Variants in SMPD4 observed in about 807,000 individuals in gnomAD.
The protein encoded by SMPD4 is neutral sphingomyelinase 3.
SMPD4 carries 58 observed loss-of-function variants against 97.8 expected under a neutral mutation model. The observed-to-expected ratio is 0.59, with a 90% confidence interval of 0.48 to 0.74. SMPD4 has a LOEUF of 0.74. Ranked by LOEUF, SMPD4 falls within the 30% of genes least tolerant of loss-of-function variation. The probability of loss-of-function intolerance (pLI) is 0.00; values close to 1 mark genes in which losing one functional copy is unlikely to be tolerated. For synonymous variants in SMPD4, 388 were observed against 450.0 expected (o/e 0.86, Z 1.74); for missense variants, 853 against 1,080.5 (o/e 0.79, Z 2.95).
intron 11 of SMPD4, among the ~76,000 whole-genome samples, chr2:130,158,918 C>T (rs942224261): frequency 3.3e-5 from 5 of 152,196 alleles, no homozygotes; most frequent in Admixed American, 6.5e-5. Context: ...CAAGTCTCCC[C>T]GTCAGGAAAC....
At chr2:130,172,312 T>C in intron 8 of SMPD4, 37 bp downstream of exon 8, 2 of 1,519,332 alleles carry the variant, frequency 1.3e-6, no homozygotes, top group Non-Finnish European at 1.8e-6. Context: ...GCCACTCCCT[T>C]ATGGAAGGGC....
In SMPD4 at chr2:130,153,858, C is replaced by G; in HGVS notation, c.1737G>C (p.Pro579=). Residue 579 remains proline (P), a synonymous_variant, in exon 17 of 20, where the codon CCG becomes CCC. Coordinates refer to ENST00000680298, the MANE Select transcript of SMPD4 (RefSeq NM_017951.5). ...KSISDQCAES[P]AGHSFLSWLG... ...GCCATGAGAGGAAGGAGTGGCCAGC[C>G]GGGCTCTCCGCACACTGGTCGGAGA... 2 of 1,613,900 alleles carry G rather than the reference C, an allele frequency of 1.2e-6. No individual in the cohort carries two copies. The highest frequency in any genetic ancestry group is 1.7e-6 in the Non-Finnish European group (2 of 1,179,868).
rs752243342 is a variant in SMPD4 at position 130,152,746 on chromosome 2, G to A, written c.2293C>T (p.Arg765Cys). The A allele has an allele frequency of 6.5e-5, 103 of 1,595,024 alleles. No individual in the cohort carries two copies. Among genetic ancestry groups the A allele is most frequent in the Non-Finnish European group, 6.8e-5 (80 of 1,172,234 alleles). The stretch of plus-strand genomic sequence containing the variant: ...AAGCGCAGGCTGAGCCTGGGGCCGC[G>A]GGTGTGGCCGGCCACCTGCCTCCGC... ...VGRRQVAGHT[R>C]GPRLSLRFLG... is the part of the protein sequence containing the mutation. Residue 765 changes from arginine to cysteine, a missense_variant, in exon 20 of 20, where the codon CGC (arginine) becomes TGC (cysteine). Arg to Cys is a radical substitution (Grantham distance 180). Coordinates refer to ENST00000680298, the MANE Select transcript of SMPD4 (RefSeq NM_017951.5).
chr2:130,172,942 T>A, intron 5 of SMPD4, 47 bp from the exon 6 acceptor site: 1 of 1,571,964 alleles, frequency 6.4e-7, no homozygotes, highest in Non-Finnish European at 8.6e-7. Context: ...TGGTGCGTAG[T>A]GCCCGATACG....
chr2:130,161,205 T>G lies in SMPD4; in HGVS notation c.932A>C (p.Gln311Pro). The G allele has an allele frequency of 6.2e-7, 1 of 1,613,502 alleles. No individual in the cohort carries two copies. The highest frequency in any genetic ancestry group is 8.5e-7 in the Non-Finnish European group (1 of 1,179,852). ...ALYSPAQPSL[Q>P]ALHAYQESFT... ...CAGTACTTGGTAGGCGTGGAGGGCCTGGAGGCTGGGTTGGGCGGGGCTGTA... is the reference window on the plus strand; with the variant it reads ...CAGTACTTGGTAGGCGTGGAGGGCCGGGAGGCTGGGTTGGGCGGGGCTGTA... Residue 311 changes from glutamine to proline, a missense_variant, in exon 11 of 20, where the codon CAG (glutamine) becomes CCG (proline). Around this residue, in one of 3 missense-constraint regions of SMPD4, gnomAD observed 313 missense variants for 402.2 expected, o/e 0.78. Coordinates refer to ENST00000680298, the MANE Select transcript of SMPD4 (RefSeq NM_017951.5).
At chr2:130,162,239 C>G (rs1263560259) in intron 10 of SMPD4, among the ~76,000 whole-genome samples, 1 of 152,252 alleles carries the variant, frequency 6.6e-6, no homozygotes, top group Non-Finnish European at 1.5e-5. Flanking sequence ...CCAGGACCCT[C>G]CGACCTGCTG....
At chr2:130,169,565 T>G (rs76084997) in intron 8 of SMPD4, among the ~76,000 whole-genome samples, 1 of 140,974 alleles carries the variant, frequency 7.1e-6, no homozygotes, top group African/African-American at 2.7e-5. Context: ...TGAAAGTTTC[T>G]TTTTTTTTTT....
Position 130,155,932 on chromosome 2 carries a change from C to T in SMPD4, c.1289+103G>A. On this transcript the variant is annotated intron_variant, in intron 14 of 19. Transcript: ENST00000680298. ...CTTCAGGAGGCCACGGGGGCCAGGG[C>T]CAGGCTGACCCCAGCACAGGCCGCT... The T allele has an allele frequency of 3.3e-6, 4 of 1,215,732 alleles. No homozygotes were observed. The South Asian group carries it at 5.4e-5, about 16-fold the overall frequency. 75.3% of individuals were successfully genotyped at this position (1,215,732 alleles called of 1,614,324 possible). A position where few individuals can be genotyped will look rare whatever the true frequency, so the allele number is the denominator to read the frequency against.
Position 130,156,055 on chromosome 2 carries a change from G to T in SMPD4, c.1269C>A (p.Pro423=). The T allele has an allele frequency of 6.2e-7, 1 of 1,611,480 alleles. No homozygotes were observed. The highest frequency in any genetic ancestry group is 8.5e-7 in the Non-Finnish European group (1 of 1,179,856). ...CTCACCATTTCTCCGACACACACCG[G>T]GGCTGGGAGTCGCTGCCCGGAGCCT... ...DKQAPGSDSQ[P]RCVSEKWAPF... Residue 423 remains proline, a synonymous_variant, in exon 14 of 20, where the codon CCC becomes CCA. Coordinates refer to ENST00000680298, the MANE Select transcript of SMPD4 (RefSeq NM_017951.5).
chr2:130,155,118 G>A lies in SMPD4; in HGVS notation c.1431C>T (p.Asn477=), dbSNP rs771876024. ...TACCTTTCTGAATCATCTCAGCCAG[G>A]TTGGGCTGGGCAAAGACTTTGGCCA... The part of the protein sequence containing the change: ...FRVAKVFAQP[N]LAEMIQKGEQ... Residue 477 remains asparagine (N), a synonymous_variant, in exon 15 of 20, where the codon AAC becomes AAT. Transcript: ENST00000680298. The A allele has an allele frequency of 5.6e-6, 9 of 1,614,078 alleles. No individual in the cohort carries two copies. The African/African-American group carries it at 6.7e-5, about 12-fold the overall frequency.
rs752750090 is a variant in SMPD4 at position 130,154,285 on chromosome 2, G to A, written c.1651C>T (p.Arg551Cys). ...KYTPMFGPEA[R>C]TLVLRLAQLI... ...ACCGCCGAACCACTCACCAGGGTGCGGGCCTCGGGCCCAAACATCGGGGTG... is the reference window on the plus strand; with the variant it reads ...ACCGCCGAACCACTCACCAGGGTGCAGGCCTCGGGCCCAAACATCGGGGTG... The change falls in exon 16 of 20, where the codon CGC (arginine) becomes TGC (cysteine). Residue 551 changes from arginine (R) to cysteine (C), a missense_variant. Around this residue, in one of 3 missense-constraint regions of SMPD4, gnomAD observed 511 missense variants for 608.1 expected, o/e 0.84. Transcript: ENST00000680298. 30 of 1,601,786 alleles carry A rather than the reference G, an allele frequency of 1.9e-5. 1 individual carries two copies. Among genetic ancestry groups the A allele is most frequent in the Middle Eastern group, 4.4e-4 (2 of 4,536 alleles).
At chr2:130,170,334 A>G (rs1267280635) in intron 8 of SMPD4, among the ~76,000 whole-genome samples, 1 of 151,784 alleles carries the variant, frequency 6.6e-6, no homozygotes, top group Non-Finnish European at 1.5e-5. Flanking sequence ...TAAAGATACA[A>G]AAATTAGCTG....
intron 8 of SMPD4, among the ~76,000 whole-genome samples, chr2:130,168,799 G>A (rs1458267903): frequency 2.0e-5 from 3 of 149,318 alleles, no homozygotes; most frequent in Non-Finnish European, 4.4e-5. Flanking sequence ...TTGGCTCACT[G>A]CTACCTCCGC....
chr2:130,166,186 G>A (rs1687906865), intron 9 of SMPD4, among the ~76,000 whole-genome samples: 1 of 151,750 alleles, frequency 6.6e-6, no homozygotes, highest in Middle Eastern at 3.4e-3. Flanking sequence ...GTGGGCACCT[G>A]TAATCCTAGC....
chr2:130,156,204 T>C, intron 13 of SMPD4, 69 bp from the exon 14 acceptor site: 9 of 1,390,848 alleles, frequency 6.5e-6, no homozygotes, highest in Non-Finnish European at 9.0e-6. Context: ...GGAGCCCAGA[T>C]ACCAGGCGGC....
At position 130,153,032 on chromosome 2, in the gene SMPD4, T is replaced by A. The variant is rs1686388005; in HGVS notation, c.2154+11A>T. 1 of 1,608,288 alleles carries A rather than the reference T, an allele frequency of 6.2e-7. No homozygotes were observed. Among genetic ancestry groups the A allele is most frequent in the South Asian group, 1.1e-5 (1 of 90,824 alleles). On this transcript the variant is annotated intron_variant, in intron 19 of 19. Coordinates refer to ENST00000680298, the MANE Select transcript of SMPD4 (RefSeq NM_017951.5). ...TCTGAAGACGCCAGGCCAGCCCTCC[T>A]GCCCACTCACTCTGTGGTTGATGGC...
At chr2:130,173,981 A>AC (rs397985887) in intron 3 of SMPD4, among the ~76,000 whole-genome samples, 1 of 151,666 alleles carries the variant, frequency 6.6e-6, no homozygotes, top group East Asian at 1.9e-4. Flanking sequence ...TTAAAAAAAA[A>AC]CAAACAATGA....
At chr2:130,155,721 T>C (rs1297710296) in intron 14 of SMPD4, among the ~76,000 whole-genome samples, 1 of 151,984 alleles carries the variant, frequency 6.6e-6, no homozygotes, top group Non-Finnish European at 1.5e-5. Flanking sequence ...CGCTGCTCTG[T>C]TCTGTGCTGA....
chr2:130,156,033 A>G lies in SMPD4; in HGVS notation c.1289+2T>C. ...ATGTCTGTGAGAGGAGCTGAGGCTC[A>G]CCATTTCTCCGACACACACCGGGGC... On this transcript the variant is annotated splice_donor_variant, in intron 14 of 19. Coordinates refer to ENST00000680298, the MANE Select transcript of SMPD4 (RefSeq NM_017951.5). LOFTEE classifies it high-confidence loss of function. 1 of 1,610,868 alleles carries G rather than the reference A, an allele frequency of 6.2e-7. No homozygotes were observed. Among genetic ancestry groups the G allele is most frequent in the Non-Finnish European group, 8.5e-7 (1 of 1,179,444 alleles).
Sources: gnomAD v4.1 joint callset for allele counts (sites outside exome capture counted in the v4.1 genomes callset) on GRCh38, gnomAD v4.1.1 for gene constraint, gnomAD v4.1.1 regional missense constraint, MANE v1.5 for transcripts, NCBI Gene and HGNC (gene_info 2026-07-23, HGNC 2026-07-21) for gene names.